Variants in ABCA13 observed in about 807,000 individuals in gnomAD.
The protein encoded by ABCA13 is ATP binding cassette subfamily A member 13.
Under a neutral mutation model 478.7 loss-of-function variants are expected in ABCA13, and 476 were observed. The observed-to-expected ratio is 0.99, with a 90% CI of 0.92 to 1.07. The LOEUF (loss-of-function observed/expected upper bound fraction) is 1.07. ABCA13 is among the 50% of genes least tolerant of loss of function. The pLI is 0.00. For synonymous variants in ABCA13, 2,252 were observed against 2,158.9 expected (o/e 1.04, Z -1.20); for missense variants, 6,060 against 5,910.6 (o/e 1.03, Z -0.83).
At chr7:48,616,882 T>A (rs767852122) in intron 59 of ABCA13, among the ~76,000 whole-genome samples, 6 of 152,044 alleles carry the variant, frequency 3.9e-5, no homozygotes, top group African/African-American at 1.2e-4. Flanking sequence ...AAATTAATTT[T>A]AAAAAATTAT....
At chr7:48,437,139 A>G (rs13247399) in intron 42 of ABCA13, among the ~76,000 whole-genome samples, 23,437 of 151,958 alleles carry the variant, frequency 0.15, 2,308 homozygotes, top group East Asian at 0.23. Context: ...TACTATTACT[A>G]TAGTGCTATT....
At chr7:48,244,820 T>C in intron 11 of ABCA13, 117 bp downstream of exon 11, 1 of 1,266,300 alleles carries the variant, frequency 7.9e-7, no homozygotes. Context: ...ACTTTGCTGG[T>C]GTCATATGCA....
chr7:48,314,416 C>T lies in ABCA13; in HGVS notation c.9859+7C>T, dbSNP rs1056955365. On this transcript the variant is annotated splice_region_variant and intron_variant, in intron 26 of 61. Transcript: ENST00000435803. Reference sequence around the variant, plus strand: ...AACATTCCTGAAGATTCAAGTAAGACAGTAGTAATATATATATATGTGTTT... The same window carrying T: ...AACATTCCTGAAGATTCAAGTAAGATAGTAGTAATATATATATATGTGTTT... The T allele has an allele frequency of 6.4e-7, 1 of 1,562,272 alleles. No individual in the cohort carries two copies. The highest frequency in any genetic ancestry group is 8.7e-7 in the Non-Finnish European group (1 of 1,151,700).
rs184625644 is a variant in ABCA13, at chr7:48,349,300, A to T, written c.10205-1343A>T. ...AACAGCAGTTACAACATAATGAATAACAGTCTTTTCTTTGAGAAACTGTGC... is the reference window on the plus strand; with the variant it reads ...AACAGCAGTTACAACATAATGAATATCAGTCTTTTCTTTGAGAAACTGTGC... On this transcript the variant is annotated intron_variant, in intron 29 of 61. Transcript: ENST00000435803. Among the ~76,000 whole-genome samples, 947 of 152,330 alleles carry T rather than the reference A, an allele frequency of 6.2e-3. 9 individuals carry two copies. The highest frequency in any genetic ancestry group is 0.022 in the African/African-American group (908 of 41,578).
chr7:48,456,988 CTT>C (rs1825745996), intron 43 of ABCA13, among the ~76,000 whole-genome samples: 1 of 151,712 alleles, frequency 6.6e-6, no homozygotes, highest in Non-Finnish European at 1.5e-5. Context: ...AATTAACAGT[CTT>C]ATAAAGTCAT....
chr7:48,420,395 A>G (rs1256819348), intron 41 of ABCA13, among the ~76,000 whole-genome samples: 3 of 152,240 alleles, frequency 2.0e-5, no homozygotes, highest in Non-Finnish European at 4.4e-5. Flanking sequence ...GGATGGGACC[A>G]TAGAGAGTTA....
Position 48,646,301 on chromosome 7 carries a change from T to G in ABCA13, c.*789T>G, listed in dbSNP as rs1236524575. The G allele has an allele frequency of 6.6e-6, 1 of 152,180 alleles. No homozygotes were observed. Among genetic ancestry groups the G allele is most frequent in the Non-Finnish European group, 1.5e-5 (1 of 68,040 alleles). The allele number at this position is 152,180 out of a possible 1,614,324, so 9.4% of individuals were successfully genotyped here. A position where few individuals can be genotyped will look rare whatever the true frequency, so the allele number is the denominator to read the frequency against. ...ACTGTTTTTTGTTATTCTAAGTCAGTGTTTTTCAAAGCGTAGTGGTCCCCA... is the reference window on the plus strand; with the variant it reads ...ACTGTTTTTTGTTATTCTAAGTCAGGGTTTTTCAAAGCGTAGTGGTCCCCA... On this transcript the variant is annotated 3_prime_UTR_variant, in exon 62 of 62. Transcript: ENST00000435803.
chr7:48,209,653 CA>C (rs1785369667), intron 3 of ABCA13, among the ~76,000 whole-genome samples: 1 of 151,978 alleles, frequency 6.6e-6, no homozygotes, highest in South Asian at 2.1e-4. Flanking sequence ...AGAGGACACA[CA>C]AAAAATAGAA....
intron 45 of ABCA13, among the ~76,000 whole-genome samples, chr7:48,477,791 A>C (rs2130463342): frequency 6.6e-6 from 1 of 151,402 alleles, no homozygotes; most frequent in African/African-American, 2.4e-5. Context: ...CTTAATGCTA[A>C]ATGACGAGTT....
rs1354089411 is a variant in ABCA13 at position 48,645,978 on chromosome 7, T to C, written c.*466T>C. The stretch of plus-strand genomic sequence containing the variant: ...TAACAAGGACTATTTTCTATTGTTG[T>C]CATCTATTTACTAGATACATGTTTT... On this transcript the variant is annotated 3_prime_UTR_variant, in exon 62 of 62. Transcript: ENST00000435803. 1 of 157,988 alleles carries C rather than the reference T, an allele frequency of 6.3e-6. No individual in the cohort carries two copies. Among genetic ancestry groups the C allele is most frequent in the Admixed American group, 6.5e-5 (1 of 15,330 alleles). The allele number at this position is 157,988 out of a possible 1,614,324, so 9.8% of individuals were successfully genotyped here. A position where few individuals can be genotyped will look rare whatever the true frequency, so the allele number is the denominator to read the frequency against.
At chr7:48,594,067 A>G (rs1790037359) in intron 57 of ABCA13, among the ~76,000 whole-genome samples, 1 of 152,076 alleles carries the variant, frequency 6.6e-6, no homozygotes, top group Non-Finnish European at 1.5e-5. Context: ...TTTAAGCTTC[A>G]TATATCTTGA....
At chr7:48,429,392 T>C (rs1407064466) in intron 42 of ABCA13, among the ~76,000 whole-genome samples, 2 of 152,248 alleles carry the variant, frequency 1.3e-5, no homozygotes, top group Non-Finnish European at 2.9e-5. Flanking sequence ...ACCAGTAGTA[T>C]ATGAAGTTTC....
chr7:48,406,556 A>G (rs928696411), intron 39 of ABCA13, among the ~76,000 whole-genome samples: 2 of 152,206 alleles, frequency 1.3e-5, no homozygotes, highest in Admixed American at 6.5e-5. Context: ...ACAGTCAAAC[A>G]GTGTCTTGGG....
At chr7:48,222,050 TC>T (rs1432806849) in intron 5 of ABCA13, among the ~76,000 whole-genome samples, 2 of 152,036 alleles carry the variant, frequency 1.3e-5, no homozygotes, top group African/African-American at 4.8e-5. Context: ...TTTAGACAGC[TC>T]AAAAAAAATA....
Position 48,520,198 on chromosome 7 carries a change from A to T in ABCA13, c.13955A>T (p.Asn4652Ile). Residue 4652 changes from asparagine to isoleucine, a missense_variant, in exon 53 of 62, where the codon AAC becomes ATC. Physicochemically the swap from Asn to Ile is moderately radical, Grantham distance 149. Around this residue, in one of 3 missense-constraint regions of ABCA13, gnomAD observed 1,627 missense variants for 1,571.0 expected, o/e 1.04. Transcript: ENST00000435803. ...TCCTATGTGAGTCCCTTTGAGATGA[A>T]CTTTCTGGGCTGGATCTTCGTGCAA... ...IDSYVSPFEMNFLGWIFVQLA... is the reference protein window; with the variant it reads ...IDSYVSPFEMIFLGWIFVQLA... 6.2e-7 allele frequency: 1 copy of T among 1,613,632 alleles called. No individual in the cohort carries two copies. Among genetic ancestry groups the T allele is most frequent in the Non-Finnish European group, 8.5e-7 (1 of 1,179,752 alleles).
rs1163140229 is a variant in ABCA13 at position 48,485,898 on chromosome 7, G to GTAGAGT, written c.13182+2736_13182+2737insAGAGTT. On this transcript the variant is annotated intron_variant, in intron 47 of 61. Coordinates refer to ENST00000435803, the MANE Select transcript of ABCA13 (RefSeq NM_152701.5). ...ATGACCCTTAACTCTACTCTGCCAG[G>GTAGAGT]TGCTTCCCCTTCCATTGCCCTCCAT... is the stretch of plus-strand genomic sequence containing the variant. Among the ~76,000 whole-genome samples the GTAGAGT allele has an allele frequency of 2.0e-5, 3 of 152,226 alleles. No individual in the cohort carries two copies. In the East Asian group the frequency reaches 5.8e-4, roughly 29 times the overall value.
intron 28 of ABCA13, among the ~76,000 whole-genome samples, chr7:48,336,909 C>G (rs773401942): frequency 6.6e-6 from 1 of 152,206 alleles, no homozygotes; most frequent in African/African-American, 2.4e-5. Context: ...TATATAATCT[C>G]ATGCAATATT....
At chr7:48,538,235 G>A (rs1044097947) in intron 55 of ABCA13, among the ~76,000 whole-genome samples, 2 of 151,012 alleles carry the variant, frequency 1.3e-5, no homozygotes, top group Non-Finnish European at 3.0e-5. Flanking sequence ...TGAGTAGCTG[G>A]GATTACAGGC....
intron 42 of ABCA13, among the ~76,000 whole-genome samples, chr7:48,452,110 A>G (rs1197698636): frequency 6.6e-6 from 1 of 152,206 alleles, no homozygotes; most frequent in Non-Finnish European, 1.5e-5. Context: ...GGGAAGGTGG[A>G]GAAAATTTAT....
Sources: allele counts gnomAD v4.1 joint callset (sites outside exome capture counted in the v4.1 genomes callset), GRCh38; gene constraint gnomAD v4.1.1; regional missense constraint gnomAD v4.1.1; transcripts MANE v1.5; gene names NCBI Gene and HGNC (gene_info 2026-07-23, HGNC 2026-07-21).